The following TMCC1 variants were observed in gnomAD, a reference collection of about 807,000 sequenced individuals.
TMCC1 encodes the protein transmembrane and coiled-coil domain family 1.
A neutral mutation model predicts 52.4 loss-of-function variants in TMCC1; 15 were observed. The ratio of observed to expected loss-of-function variants is 0.29; its 90% CI spans 0.19 to 0.44. The LOEUF (loss-of-function observed/expected upper bound fraction) is 0.44, where lower values mean the gene tolerates loss of function less well. TMCC1 is among the 20% of genes least tolerant of loss of function. The pLI is 1.00. For missense variants in TMCC1, 503 were observed against 806.0 expected, an observed-to-expected ratio of 0.62 and a Z score of 4.55; for synonymous variants, 279 against 301.9, an observed-to-expected ratio of 0.92 and a Z score of 0.79.
intron 4 of TMCC1, among the ~76,000 whole-genome samples, chr3:129,723,413 T>TTA (rs1553846045): frequency 3.9e-5 from 5 of 129,154 alleles, no homozygotes; most frequent in Non-Finnish European, 6.9e-5. Flanking sequence ...TTTTTTTTTT[T>TTA]AATTTAATAA....
intron 4 of TMCC1, among the ~76,000 whole-genome samples, chr3:129,813,828 C>G (rs187244822): frequency 2.0e-5 from 3 of 151,914 alleles, no homozygotes; most frequent in African/African-American, 7.2e-5. Flanking sequence ...TGAAGCTATT[C>G]CATTTCTACT....
chr3:129,861,696 G>A (rs1193272583), intron 2 of TMCC1, among the ~76,000 whole-genome samples: 1 of 152,156 alleles, frequency 6.6e-6, no homozygotes, highest in Non-Finnish European at 1.5e-5. Context: ...CACTAGGGTG[G>A]TTAAAATCAA....
At chr3:129,809,246 C>CA (rs11418962) in intron 4 of TMCC1, among the ~76,000 whole-genome samples, 63,033 of 91,294 alleles carry the variant, frequency 0.69, 22,817 homozygotes, top group Non-Finnish European at 0.81. Flanking sequence ...GATTCCATCT[C>CA]AAAAAAAAAA....
chr3:129,845,602 T>C (rs940161154), intron 2 of TMCC1, among the ~76,000 whole-genome samples: 1 of 152,108 alleles, frequency 6.6e-6, no homozygotes, highest in Non-Finnish European at 1.5e-5. Context: ...TTAATAACCA[T>C]TGGCGAGAAG....
At chr3:129,655,142 G>A in intron 5 of TMCC1, 39 bp from the exon 6 acceptor site, 1 of 1,598,474 alleles carries the variant, frequency 6.3e-7, no homozygotes, top group African/African-American at 1.3e-5. Flanking sequence ...TATGAATTCT[G>A]TGAATATCTT....
intron 4 of TMCC1, among the ~76,000 whole-genome samples, chr3:129,805,005 C>G (rs1175477226): frequency 6.6e-6 from 1 of 152,128 alleles, no homozygotes; most frequent in East Asian, 1.9e-4. Flanking sequence ...CCAAAAACTG[C>G]TCCAGTATTG....
Position 129,663,751 on chromosome 3 carries a change from GA to G in TMCC1, c.1511+6578del, listed in dbSNP as rs2087229296. ...CTGGGCAACTTGCAGACTTGGTAAT[GA>G]CAGCTTTCTAACATTCTGGCACAAC... On this transcript the variant is annotated intron_variant, in intron 5 of 6. Coordinates refer to ENST00000393238, the MANE Select transcript of TMCC1 (RefSeq NM_001017395.5). Among the ~76,000 whole-genome samples the G allele has an allele frequency of 7.2e-5, 11 of 152,274 alleles. No individual in the cohort carries two copies. In the South Asian group the frequency reaches 2.3e-3, roughly 32 times the overall value.
intron 5 of TMCC1, among the ~76,000 whole-genome samples, chr3:129,668,775 G>T (rs1027990737): frequency 6.6e-6 from 1 of 151,904 alleles, no homozygotes; most frequent in Admixed American, 6.6e-5. Context: ...ACAGGCATGC[G>T]CCACCATGCC....
chr3:129,852,816 T>C (rs1577091573), intron 2 of TMCC1, among the ~76,000 whole-genome samples: 1 of 152,372 alleles, frequency 6.6e-6, no homozygotes, highest in East Asian at 1.9e-4. Flanking sequence ...TTTATAATTT[T>C]TAACTTTCTG....
At chr3:129,791,548 C>T (rs1001851484) in intron 4 of TMCC1, among the ~76,000 whole-genome samples, 4 of 152,266 alleles carry the variant, frequency 2.6e-5, no homozygotes, top group South Asian at 4.1e-4. Context: ...CAAGCTGATA[C>T]TATCTAACTC....
chr3:129,775,482 G>C (rs755526300), intron 4 of TMCC1, among the ~76,000 whole-genome samples: 2 of 151,872 alleles, frequency 1.3e-5, no homozygotes, highest in African/African-American at 4.8e-5. Flanking sequence ...AAAAGAAAAA[G>C]AAATTAAACA....
intron 4 of TMCC1, among the ~76,000 whole-genome samples, chr3:129,802,383 A>T (rs2057244729): frequency 6.6e-6 from 1 of 152,240 alleles, no homozygotes; most frequent in African/African-American, 2.4e-5. Context: ...ACTATCATCA[A>T]GATGGTGAAC....
At chr3:129,869,199 G>A (rs2060800780) in intron 2 of TMCC1, 1 of 151,912 alleles carries the variant, frequency 6.6e-6, no homozygotes, top group Non-Finnish European at 1.5e-5. Context: ...GAGGAACTGG[G>A]GACTGACTAA....
At chr3:129,863,193 G>A (rs944894065) in intron 2 of TMCC1, among the ~76,000 whole-genome samples, 2 of 152,106 alleles carry the variant, frequency 1.3e-5, no homozygotes, top group African/African-American at 4.8e-5. Flanking sequence ...GTATGCATAC[G>A]TAAAAATTCA....
chr3:129,768,879 C>G (rs1359264632), intron 4 of TMCC1, among the ~76,000 whole-genome samples: 1 of 152,140 alleles, frequency 6.6e-6, no homozygotes, highest in African/African-American at 2.4e-5. Context: ...CTCCCTAAGG[C>G]TAAACAGAAG....
intron 4 of TMCC1, among the ~76,000 whole-genome samples, chr3:129,710,518 A>G (rs1271848375): frequency 6.6e-6 from 1 of 152,144 alleles, no homozygotes; most frequent in Non-Finnish European, 1.5e-5. Context: ...GGAATTCTTT[A>G]AAGACTGAGG....
At chr3:129,859,159 A>G (rs954195548) in intron 2 of TMCC1, among the ~76,000 whole-genome samples, 1 of 152,226 alleles carries the variant, frequency 6.6e-6, no homozygotes, top group Non-Finnish European at 1.5e-5. Flanking sequence ...AATCTAGTCC[A>G]ATAACCACAT....
intron 4 of TMCC1, among the ~76,000 whole-genome samples, chr3:129,791,478 A>G (rs1448077043): frequency 2.0e-5 from 3 of 152,142 alleles, no homozygotes; most frequent in Admixed American, 6.5e-5. Context: ...TCGGCTTCCT[A>G]TTGATCTTGT....
chr3:129,765,968 T>G (rs1216012954), intron 4 of TMCC1, among the ~76,000 whole-genome samples: 1 of 152,170 alleles, frequency 6.6e-6, no homozygotes, highest in African/African-American at 2.4e-5. Flanking sequence ...GGGAGAAATT[T>G]TCTCAGACTC....
Sources: gnomAD v4.1 joint callset for allele counts (sites outside exome capture counted in the v4.1 genomes callset) on GRCh38, gnomAD v4.1.1 for gene constraint, MANE v1.5 for transcripts, NCBI Gene and HGNC (gene_info 2026-07-23, HGNC 2026-07-21) for gene names.